BCKDHB: variants seen among roughly 807,000 people sequenced by gnomAD.
The protein encoded by BCKDHB is branched chain keto acid dehydrogenase E1 subunit beta, also known as 2-oxoisovalerate dehydrogenase subunit beta, mitochondrial.
In BCKDHB, 41 loss-of-function variants were observed where a neutral mutation model predicts 48.5. The ratio of observed to expected loss-of-function variants is 0.85; its 90% CI spans 0.66 to 1.10. The LOEUF is 1.10. Ranked by LOEUF, BCKDHB falls within the 50% of genes least tolerant of loss-of-function variation. The pLI is 0.00. For synonymous variants in BCKDHB, 201 were observed against 174.8 expected (o/e 1.15, Z -1.18); for missense variants, 496 against 494.2 (o/e 1.00, Z -0.03).
At chr6:80,228,296 G>A (rs922485059) in intron 8 of BCKDHB, among the ~76,000 whole-genome samples, 1 of 152,200 alleles carries the variant, frequency 6.6e-6, no homozygotes, top group Admixed American at 6.5e-5. Context: ...AAACTCCAGT[G>A]AACTAAAAGT....
the BCKDHB span, among the ~76,000 whole-genome samples, chr6:80,396,742 G>A: frequency 1.3e-5 from 2 of 152,084 alleles, no homozygotes; most frequent in South Asian, 4.2e-4. Flanking sequence ...TCTTTGCTTG[G>A]CATTTCTTTC....
downstream of BCKDHB, among the ~76,000 whole-genome samples, chr6:80,350,976 A>G (rs988676912): frequency 6.6e-6 from 1 of 152,214 alleles, no homozygotes; most frequent in African/African-American, 2.4e-5. Context: ...CTGAATGGAC[A>G]GAAGAAAGGA....
At chr6:80,393,385 G>T in the BCKDHB span, among the ~76,000 whole-genome samples, 1 of 152,128 alleles carries the variant, frequency 6.6e-6, no homozygotes, top group Non-Finnish European at 1.5e-5. Flanking sequence ...GAGATGACTA[G>T]TTCAGGAGGG....
chr6:80,297,986 C>G (rs866950653), intron 9 of BCKDHB, among the ~76,000 whole-genome samples: 4 of 150,840 alleles, frequency 2.7e-5, no homozygotes, highest in Non-Finnish European at 4.4e-5. Flanking sequence ...TTTTTTTCCC[C>G]CAAAATAGGG....
Position 80,128,872 on chromosome 6 carries a change from CTG to C in BCKDHB, c.275-254_275-253del, listed in dbSNP as rs60116640. ...GTGAAGACACTTTTTGTTGTCTCAA[CTG>C]TGTGTGTGTGTGTGTGTGTGTGTGT... is the stretch of plus-strand genomic sequence containing the variant. On this transcript the variant is annotated intron_variant, in intron 2 of 9. Transcript: ENST00000320393. Among the ~76,000 whole-genome samples, 30,079 of 147,242 alleles carry C rather than the reference CTG, an allele frequency of 0.2. 3,218 individuals carry two copies. Among genetic ancestry groups the C allele is most frequent in the African/African-American group, 0.28 (11,270 of 40,024 alleles).
intron 8 of BCKDHB, among the ~76,000 whole-genome samples, chr6:80,248,217 C>G (rs1277600950): frequency 1.3e-5 from 2 of 152,110 alleles, no homozygotes; most frequent in African/African-American, 4.8e-5. Flanking sequence ...ACCACAGTGT[C>G]CAAGGTCATC....
the BCKDHB span, among the ~76,000 whole-genome samples, chr6:80,422,887 G>A: frequency 6.6e-6 from 1 of 152,172 alleles, no homozygotes; most frequent in African/African-American, 2.4e-5. Context: ...TGAGACTTTG[G>A]ACTTCAACAT....
At chr6:80,409,853 C>A in the BCKDHB span, among the ~76,000 whole-genome samples, 1 of 151,718 alleles carries the variant, frequency 6.6e-6, no homozygotes, top group Non-Finnish European at 1.5e-5. Context: ...ATACAGCACT[C>A]TGATGGTTCT....
At chr6:80,386,484 A>T in the BCKDHB span, among the ~76,000 whole-genome samples, 3 of 151,994 alleles carry the variant, frequency 2.0e-5, no homozygotes, top group Non-Finnish European at 4.4e-5. Context: ...TGAGGGCAGC[A>T]CCTGCACCTT....
In BCKDHB at chr6:80,312,179, T is replaced by C. The variant is rs919363355; in HGVS notation, c.1039-31485T>C. On this transcript the variant is annotated intron_variant, in intron 9 of 9. Transcript: ENST00000320393. ...GTATTCCTAAGTGTTTTATTCTTTT[T>C]ATGGCAATTGTGAATGGGAGTTCAC... is the stretch of plus-strand genomic sequence containing the variant. Among the ~76,000 whole-genome samples, 10 of 152,308 alleles carry C rather than the reference T, an allele frequency of 6.6e-5. No individual in the cohort carries two copies. The South Asian group carries it at 8.3e-4, about 13-fold the overall frequency.
intron 3 of BCKDHB, among the ~76,000 whole-genome samples, chr6:80,140,280 T>C (rs539862253): frequency 1.3e-5 from 2 of 152,212 alleles, no homozygotes; most frequent in African/African-American, 4.8e-5. Context: ...CTTTTCCTAA[T>C]TGAATACCTT....
chr6:80,118,239 A>C (rs1382512584), intron 1 of BCKDHB, among the ~76,000 whole-genome samples: 1 of 152,250 alleles, frequency 6.6e-6, no homozygotes, highest in Non-Finnish European at 1.5e-5. Context: ...AATATAGTGA[A>C]TATTACAATA....
chr6:80,253,754 C>G (rs1440766331), intron 8 of BCKDHB, among the ~76,000 whole-genome samples: 2 of 151,934 alleles, frequency 1.3e-5, no homozygotes, highest in Admixed American at 6.6e-5. Flanking sequence ...TAGTGTTTTT[C>G]TGAATATTAT....
At chr6:80,415,138 T>C in the BCKDHB span, among the ~76,000 whole-genome samples, 1 of 152,116 alleles carries the variant, frequency 6.6e-6, no homozygotes, top group Non-Finnish European at 1.5e-5. Flanking sequence ...TTCAGCAAAG[T>C]TTATCAGCTG....
chr6:80,444,983 C>G, the BCKDHB span, among the ~76,000 whole-genome samples: 2 of 152,170 alleles, frequency 1.3e-5, no homozygotes, highest in Non-Finnish European at 2.9e-5. Flanking sequence ...CTCAAATTCT[C>G]AAGGTTGTGG....
the BCKDHB span, among the ~76,000 whole-genome samples, chr6:80,380,585 G>T: frequency 6.6e-6 from 1 of 151,848 alleles, no homozygotes; most frequent in African/African-American, 2.4e-5. Context: ...CAGACAAACA[G>T]ACTCAATTAA....
rs1774714815 is a variant in BCKDHB at position 80,207,368 on chromosome 6, C to A, written c.951+4156C>A. 2.6e-5 allele frequency among the ~76,000 whole-genome samples: 4 copies of A among 151,816 alleles called. No individual in the cohort carries two copies. The South Asian group carries it at 8.3e-4, about 32-fold the overall frequency. On this transcript the variant is annotated intron_variant, in intron 8 of 9. Coordinates refer to ENST00000320393, the MANE Select transcript of BCKDHB (RefSeq NM_183050.4). ...TAATCAAGGATACAAGTTATAATCT[C>A]CAGTGTAACAACTGAAATAACAGGG...
At chr6:80,180,024 C>T (rs577091507) in intron 6 of BCKDHB, among the ~76,000 whole-genome samples, 1 of 152,302 alleles carries the variant, frequency 6.6e-6, no homozygotes, top group East Asian at 1.9e-4. Context: ...TGGGCCTGTG[C>T]TCATAAACTG....
intron 8 of BCKDHB, among the ~76,000 whole-genome samples, chr6:80,265,565 T>C (rs1223431203): frequency 6.6e-6 from 1 of 152,078 alleles, no homozygotes; most frequent in Non-Finnish European, 1.5e-5. Context: ...TGAGGAGTTA[T>C]TGTTTAATGG....
Sources: gnomAD v4.1 joint callset for allele counts (sites outside exome capture counted in the v4.1 genomes callset) on GRCh38, gnomAD v4.1.1 for gene constraint, MANE v1.5 for transcripts, NCBI Gene and HGNC (gene_info 2026-07-23, HGNC 2026-07-21) for gene names.